Variants in GRIP1 observed in about 807,000 individuals in gnomAD.
The protein encoded by GRIP1 is glutamate receptor-interacting protein 1.
GRIP1 carries 45 observed loss-of-function variants against 129.9 expected under a neutral mutation model. That is an observed-to-expected ratio of 0.35 (90% CI 0.27 to 0.44). The LOEUF (loss-of-function observed/expected upper bound fraction) is 0.44, where lower values mean the gene tolerates loss of function less well. Ranked by LOEUF, GRIP1 falls within the 20% of genes least tolerant of loss-of-function variation. The pLI is 1.00. For synonymous variants in GRIP1, 530 were observed against 520.8 expected (o/e 1.02, Z -0.24); for missense variants, 1,196 against 1,396.8 (o/e 0.86, Z 2.29).
At chr12:66,962,533 C>A (rs1043762747) in intron 1 of GRIP1, among the ~76,000 whole-genome samples, 15 of 152,060 alleles carry the variant, frequency 9.9e-5, no homozygotes, top group African/African-American at 3.6e-4. Flanking sequence ...CAAAAACAGG[C>A]AGGAAGCAGT....
intron 1 of GRIP1, among the ~76,000 whole-genome samples, chr12:67,041,828 G>A (rs1265697207): frequency 6.6e-6 from 1 of 151,710 alleles, no homozygotes; most frequent in East Asian, 1.9e-4. Context: ...TGCTGCATTT[G>A]TATAGGCTGT....
chr12:66,834,620 G>A (rs570237147), intron 1 of GRIP1, among the ~76,000 whole-genome samples: 24 of 152,188 alleles, frequency 1.6e-4, no homozygotes, highest in African/African-American at 4.3e-4. Context: ...TGCTTCAAAC[G>A]TACTTTAAAG....
chr12:66,518,050 C>A, intron 5 of GRIP1, 74 bp from the exon 6 acceptor site: 1 of 865,974 alleles, frequency 1.2e-6, no homozygotes, highest in South Asian at 1.3e-5. Context: ...TACAAGATAT[C>A]AGCTGAGAAA....
chr12:66,943,437 T>C (rs1260946084), intron 1 of GRIP1, among the ~76,000 whole-genome samples: 2 of 152,234 alleles, frequency 1.3e-5, no homozygotes, highest in African/African-American at 2.4e-5. Flanking sequence ...ATAACTGATA[T>C]TTATAAATTA....
chr12:66,377,797 G>C (rs2055881348), intron 20 of GRIP1, among the ~76,000 whole-genome samples: 1 of 152,042 alleles, frequency 6.6e-6, no homozygotes, highest in African/African-American at 2.4e-5. Context: ...TGTGAAGATG[G>C]AAAGGATGGT....
At chr12:66,362,126 G>A (rs1373389752) in intron 23 of GRIP1, among the ~76,000 whole-genome samples, 1 of 147,056 alleles carries the variant, frequency 6.8e-6, no homozygotes, top group African/African-American at 2.5e-5. Flanking sequence ...CTGGGCTAGA[G>A]TGTTACCAAT....
intron 1 of GRIP1, among the ~76,000 whole-genome samples, chr12:66,631,150 C>T (rs758566375): frequency 1.3e-5 from 2 of 152,254 alleles, no homozygotes; most frequent in Middle Eastern, 6.8e-3. Context: ...GTTGGCCAGG[C>T]TGGTCTTGAA....
intron 11 of GRIP1, 68 bp downstream of exon 11, chr12:66,455,341 T>A: frequency 7.1e-7 from 1 of 1,409,432 alleles, no homozygotes; most frequent in Non-Finnish European, 1.0e-6. Flanking sequence ...ACAATTTCGG[T>A]ATTTTCAAGG....
chr12:66,618,402 G>C (rs892052139), intron 1 of GRIP1, among the ~76,000 whole-genome samples: 1 of 152,044 alleles, frequency 6.6e-6, no homozygotes, highest in African/African-American at 2.4e-5. Flanking sequence ...TTTTGTGTAC[G>C]AAGTAGAAAC....
chr12:66,559,174 G>A (rs2062433237), intron 2 of GRIP1, among the ~76,000 whole-genome samples: 1 of 151,184 alleles, frequency 6.6e-6, no homozygotes, highest in Non-Finnish European at 1.5e-5. Flanking sequence ...GGGTATAGCA[G>A]GAACATACCT....
chr12:66,453,567 T>C (rs963522306), intron 11 of GRIP1, among the ~76,000 whole-genome samples: 28 of 152,370 alleles, frequency 1.8e-4, no homozygotes, highest in South Asian at 1.0e-3. Flanking sequence ...TTTAGGCCGA[T>C]GACAGTTAAC....
At position 67,039,508 on chromosome 12, in the gene GRIP1, T is replaced by C. The variant is rs959262440; in HGVS notation, c.58+29542A>G. Reference sequence around the variant, plus strand: ...ATGAATTCTGCACAGCTGGGCTCTCTAACTCTATTTAAACTATAGCCAGTA... The same window carrying C: ...ATGAATTCTGCACAGCTGGGCTCTCCAACTCTATTTAAACTATAGCCAGTA... On this transcript the variant is annotated intron_variant, in intron 1 of 1. Coordinates refer to the GRIP1 transcript ENST00000643019. Among the ~76,000 whole-genome samples, 10 of 152,324 alleles carry C rather than the reference T, an allele frequency of 6.6e-5. No individual in the cohort carries two copies. The South Asian group carries it at 1.2e-3, about 19-fold the overall frequency.
chr12:66,689,789 G>C (rs1474247534), intron 1 of GRIP1, among the ~76,000 whole-genome samples: 1 of 152,002 alleles, frequency 6.6e-6, no homozygotes, highest in Non-Finnish European at 1.5e-5. Flanking sequence ...TTTTGTAATT[G>C]AAAGTTCGTA....
intron 1 of GRIP1, among the ~76,000 whole-genome samples, chr12:67,024,828 T>C (rs543545481): frequency 6.6e-6 from 1 of 152,328 alleles, no homozygotes; most frequent in Non-Finnish European, 1.5e-5. Context: ...TACGATAATA[T>C]GTTTGTCATA....
At chr12:67,056,558 A>C (rs191308164) in intron 1 of GRIP1, among the ~76,000 whole-genome samples, 1 of 152,280 alleles carries the variant, frequency 6.6e-6, no homozygotes, top group African/African-American at 2.4e-5. Flanking sequence ...CTCAGAAGTC[A>C]TACAGTGTCA....
intron 1 of GRIP1, among the ~76,000 whole-genome samples, chr12:66,802,604 T>C (rs1225492861): frequency 6.6e-6 from 1 of 152,188 alleles, no homozygotes; most frequent in African/African-American, 2.4e-5. Flanking sequence ...TGAGAAATAT[T>C]GTTCAATTCT....
intron 1 of GRIP1, among the ~76,000 whole-genome samples, chr12:66,709,540 T>TTTGATGCA: frequency 6.6e-6 from 1 of 151,922 alleles, no homozygotes; most frequent in Non-Finnish European, 1.5e-5. Flanking sequence ...ACTGCATTCA[T>TTTGATGCA]GTTAACAGTT....
At chr12:66,897,002 G>A (rs2040761096) in intron 1 of GRIP1, among the ~76,000 whole-genome samples, 2 of 152,198 alleles carry the variant, frequency 1.3e-5, no homozygotes, top group South Asian at 2.1e-4. Context: ...GTGCAGGCTC[G>A]GGAGCCAGTT....
chr12:66,763,877 C>G (rs942733437), intron 1 of GRIP1, among the ~76,000 whole-genome samples: 1 of 152,218 alleles, frequency 6.6e-6, no homozygotes, highest in African/African-American at 2.4e-5. Flanking sequence ...ATTTTTCTCT[C>G]AAAATTCTCC....
Sources: allele counts gnomAD v4.1 joint callset (sites outside exome capture counted in the v4.1 genomes callset), GRCh38; gene constraint gnomAD v4.1.1; transcripts MANE v1.5; gene names NCBI Gene and HGNC (gene_info 2026-07-23, HGNC 2026-07-21).